Variants in ANKRD31 observed in about 807,000 individuals in gnomAD.
ANKRD31 encodes ankyrin repeat domain-containing protein 31.
Under a neutral mutation model 186.0 loss-of-function variants are expected in ANKRD31, and 147 were observed. The observed-to-expected ratio is 0.79, with a 90% confidence interval of 0.69 to 0.91. The LOEUF is 0.91. Ranked by LOEUF, ANKRD31 falls within the 40% of genes least tolerant of loss-of-function variation. The pLI, the probability that ANKRD31 is intolerant of heterozygous loss-of-function variation, is 0.00. For missense variants in ANKRD31, 1,986 were observed against 2,148.8 expected (o/e 0.92, Z 1.50); for synonymous variants, 673 against 736.4 (o/e 0.91, Z 1.39).
intron 15 of ANKRD31, among the ~76,000 whole-genome samples, chr5:75,141,024 T>A (rs558798040): frequency 2.1e-4 from 32 of 152,258 alleles, no homozygotes; most frequent in Non-Finnish European, 3.2e-4. Context: ...TCTTTGAGGG[T>A]AGGGCCCAGC....
Position 75,192,726 on chromosome 5 carries a change from G to A in ANKRD31, c.1349C>T (p.Ser450Leu), listed in dbSNP as rs1755197851. The change falls in exon 9 of 26, where the codon TCA becomes TTA. Residue 450 changes from serine (S) to leucine (L), a missense_variant. Coordinates refer to ENST00000506364, the MANE Select transcript of ANKRD31 (RefSeq NM_001372053.1). ...CTGTTTTCCATTCTTGAACCTTGCTGAATGCATATTCTTCTCTTTACCATC... is the reference window on the plus strand; with the variant it reads ...CTGTTTTCCATTCTTGAACCTTGCTAAATGCATATTCTTCTCTTTACCATC... The part of the protein sequence containing the change: ...MIDGKEKNMH[S>L]ARFKNGKQIR... 1 of 1,535,386 alleles carries A rather than the reference G, an allele frequency of 6.5e-7. No individual in the cohort carries two copies. Among genetic ancestry groups the A allele is most frequent in the African/African-American group, 1.4e-5 (1 of 72,864 alleles).
intron 14 of ANKRD31, among the ~76,000 whole-genome samples, chr5:75,144,969 G>T (rs958429791): frequency 5.5e-5 from 8 of 146,110 alleles, no homozygotes; most frequent in Non-Finnish European, 1.2e-4. Context: ...CATTTATGTG[G>T]CCAAAAAACA....
chr5:75,077,844 G>A (rs1173355102), intron 25 of ANKRD31, among the ~76,000 whole-genome samples: 1 of 147,594 alleles, frequency 6.8e-6, no homozygotes, highest in Non-Finnish European at 1.5e-5. Context: ...AGAGTGGCAT[G>A]AACCCGGGAG....
At position 75,120,153 on chromosome 5, in the gene ANKRD31, C is replaced by T. The variant is rs570953557; in HGVS notation, c.3877-1856G>A. 2.2e-4 allele frequency among the ~76,000 whole-genome samples: 34 copies of T among 152,090 alleles called. No homozygotes were observed. The South Asian group carries it at 4.1e-3, about 19-fold the overall frequency. The stretch of plus-strand genomic sequence containing the variant: ...GTTTATGCCTGTAATCCCAGCACTT[C>T]GGGAGGCTGAGGCAGGAAACTGCTT... On this transcript the variant is annotated intron_variant, in intron 17 of 25. Transcript: ENST00000506364.
intron 25 of ANKRD31, among the ~76,000 whole-genome samples, chr5:75,079,173 T>C (rs1387508474): frequency 6.6e-6 from 1 of 152,206 alleles, no homozygotes; most frequent in Non-Finnish European, 1.5e-5. Context: ...TTTTCCATCA[T>C]CTCTGATTCA....
rs1451698904 is a variant in ANKRD31 at position 75,104,280 on chromosome 5, A to G, written c.5279T>C (p.Ile1760Thr). The G allele has an allele frequency of 6.5e-7, 1 of 1,533,216 alleles. No individual in the cohort carries two copies. The highest frequency in any genetic ancestry group is 2.0e-5 in the Admixed American group (1 of 50,548). 95.0% of individuals were successfully genotyped at this position (1,533,216 alleles called of 1,614,324 possible). A position where few individuals can be genotyped will look rare whatever the true frequency, so the allele number is the denominator to read the frequency against. Residue 1760 changes from isoleucine (I) to threonine (T), a missense_variant, in exon 22 of 26, where the codon ATA becomes ACA. Physicochemically the swap from Ile to Thr is moderately conservative, Grantham distance 89. Coordinates refer to ENST00000506364, the MANE Select transcript of ANKRD31 (RefSeq NM_001372053.1). Reference protein sequence around the residue: ...KKKCIQIKDLILLGRINPGNN... With the variant: ...KKKCIQIKDLTLLGRINPGNN... ...TCCTGGGTTAATTCTTCCTAGTAAT[A>G]TCAAATCTTTTATCTGAATACATTT...
chr5:75,229,490 T>C (rs1267185774), intron 2 of ANKRD31, among the ~76,000 whole-genome samples: 1 of 152,042 alleles, frequency 6.6e-6, no homozygotes, highest in Non-Finnish European at 1.5e-5. Context: ...CCTAATAAAC[T>C]AAGTCTGTGT....
chr5:75,088,577 G>A (rs192661061), intron 23 of ANKRD31, among the ~76,000 whole-genome samples: 1 of 152,194 alleles, frequency 6.6e-6, no homozygotes, highest in African/African-American at 2.4e-5. Flanking sequence ...CATAAAGGTG[G>A]CTAGATTGTA....
At chr5:75,202,730 T>C (rs1330684637) in intron 5 of ANKRD31, among the ~76,000 whole-genome samples, 1 of 152,238 alleles carries the variant, frequency 6.6e-6, no homozygotes, top group African/African-American at 2.4e-5. Context: ...GCTAACAATT[T>C]AATAATTTAC....
intron 20 of ANKRD31, among the ~76,000 whole-genome samples, 195 bp from the exon 21 acceptor site, chr5:75,107,812 T>A (rs1451998286): frequency 6.6e-6 from 1 of 152,034 alleles, no homozygotes; most frequent in African/African-American, 2.4e-5. Context: ...AGTGTATAGA[T>A]AAGAATGCTG....
In ANKRD31 at chr5:75,177,225, G is replaced by A. The variant is rs1193827408; in HGVS notation, c.1565-8104C>T. ...ATGAACAAAGCCTCCAAGAAATATG[G>A]GACTATGTGAAAAGACCAAATCTAC... On this transcript the variant is annotated intron_variant, in intron 10 of 25. Transcript: ENST00000506364. Among the ~76,000 whole-genome samples, 4 of 152,172 alleles carry A rather than the reference G, an allele frequency of 2.6e-5. No homozygotes were observed. In the East Asian group the frequency reaches 5.8e-4, roughly 22 times the overall value.
chr5:75,209,488 C>A (rs1390917700), intron 4 of ANKRD31, among the ~76,000 whole-genome samples: 1 of 152,258 alleles, frequency 6.6e-6, no homozygotes, highest in Admixed American at 6.5e-5. Flanking sequence ...ACCAGCATGG[C>A]CAACATGGCA....
Position 75,118,426 on chromosome 5 carries a change from T to G in ANKRD31, c.3877-129A>C, listed in dbSNP as rs1748473533. The G allele has an allele frequency of 5.4e-6, 5 of 933,324 alleles. No homozygotes were observed. The African/African-American group carries it at 6.8e-5, about 13-fold the overall frequency. The allele number at this position is 933,324 out of a possible 1,614,324, so 57.8% of individuals were successfully genotyped here. A position where few individuals can be genotyped will look rare whatever the true frequency, so the allele number is the denominator to read the frequency against. On this transcript the variant is annotated intron_variant, in intron 17 of 25. Coordinates refer to ENST00000506364, the MANE Select transcript of ANKRD31 (RefSeq NM_001372053.1). ...TGTTTTCAAACTCAGGTCAAGAAAA[T>G]TTTTTATTAAAATTGATGTGGCAAT...
At chr5:75,215,226 T>C (rs1580574177) in intron 3 of ANKRD31, among the ~76,000 whole-genome samples, 1 of 152,134 alleles carries the variant, frequency 6.6e-6, no homozygotes, top group Admixed American at 6.6e-5. Context: ...TCTATTCAGG[T>C]CTTCAACTGA....
chr5:75,118,437 A>G lies in ANKRD31; in HGVS notation c.3877-140T>C, dbSNP rs56030809. 1.0e-3 allele frequency: 858 copies of G among 822,082 alleles called. 10 individuals carry two copies. The African/African-American group carries it at 0.014, about 13-fold the overall frequency. 50.9% of individuals were successfully genotyped at this position (822,082 alleles called of 1,614,324 possible). On this transcript the variant is annotated intron_variant, in intron 17 of 25. Transcript: ENST00000506364. The stretch of plus-strand genomic sequence containing the variant: ...TCAGGTCAAGAAAATTTTTTATTAA[A>G]ATTGATGTGGCAATTGCAAACTAAT...
At chr5:75,181,929 C>G (rs1391368082) in intron 10 of ANKRD31, among the ~76,000 whole-genome samples, 1 of 150,594 alleles carries the variant, frequency 6.6e-6, no homozygotes, top group Non-Finnish European at 1.5e-5. Context: ...ACATGGTAGA[C>G]TCAAAAAAAA....
chr5:75,084,264 G>C lies in ANKRD31; in HGVS notation c.5575+8C>G. On this transcript the variant is annotated splice_region_variant and intron_variant, in intron 24 of 25. Transcript: ENST00000506364. ...ACAACGAAGAAATGAGTGTTGTTCT[G>C]TACATACCTGGAAGACAAGGTTGAT... 2 of 1,526,478 alleles carry C rather than the reference G, an allele frequency of 1.3e-6. No individual in the cohort carries two copies. Among genetic ancestry groups the C allele is most frequent in the Non-Finnish European group, 1.8e-6 (2 of 1,137,136 alleles). The allele number at this position is 1,526,478 out of a possible 1,614,324, so 94.6% of individuals were successfully genotyped here.
chr5:75,095,730 C>A (rs1432408271), intron 22 of ANKRD31, among the ~76,000 whole-genome samples: 1 of 152,088 alleles, frequency 6.6e-6, no homozygotes, highest in Non-Finnish European at 1.5e-5. Flanking sequence ...GTGATGCTGG[C>A]ATACTGTTAT....
At position 75,104,672 on chromosome 5, in the gene ANKRD31, G is replaced by C. The variant is rs1299349751; in HGVS notation, c.4887C>G (p.Asp1629Glu). 1 of 1,536,250 alleles carries C rather than the reference G, an allele frequency of 6.5e-7. No homozygotes were observed. Among genetic ancestry groups the C allele is most frequent in the South Asian group, 1.2e-5 (1 of 83,732 alleles). Residue 1629 changes from aspartate to glutamate, a missense_variant, in exon 22 of 26, where the codon GAC becomes GAG. Transcript: ENST00000506364. Reference protein sequence around the residue: ...ENDLTEATDKDHEFYVSSPVI... With the variant: ...ENDLTEATDKEHEFYVSSPVI... ...CTGGGGAAGAAACATAGAATTCATG[G>C]TCTTTGTCTGTAGCTTCTGTAAGAT... is the stretch of plus-strand genomic sequence containing the variant.
Sources: gnomAD v4.1 joint callset for allele counts (sites outside exome capture counted in the v4.1 genomes callset) on GRCh38, gnomAD v4.1.1 for gene constraint, MANE v1.5 for transcripts, NCBI Gene and HGNC (gene_info 2026-07-23, HGNC 2026-07-21) for gene names.